Variants in TMEM117 observed in about 807,000 individuals in gnomAD.
TMEM117 encodes transmembrane protein 117.
In TMEM117, 27 loss-of-function variants were observed where a neutral mutation model predicts 52.4. The ratio of observed to expected loss-of-function variants is 0.51; its 90% CI spans 0.38 to 0.71. The LOEUF is 0.71. Ranked by LOEUF, TMEM117 falls within the 30% of genes least tolerant of loss-of-function variation. The probability of loss-of-function intolerance (pLI) is 0.00; values close to 1 mark genes in which losing one functional copy is unlikely to be tolerated. For missense variants in TMEM117, 556 were observed against 630.5 expected (o/e 0.88, Z 1.26); for synonymous variants, 215 against 206.3 (o/e 1.04, Z -0.36).
chr12:44,345,297 C>T (rs1373232358), intron 6 of TMEM117, among the ~76,000 whole-genome samples: 1 of 152,034 alleles, frequency 6.6e-6, no homozygotes, highest in Non-Finnish European at 1.5e-5. Context: ...CTGGTTATTT[C>T]ACCAGCTCCT....
chr12:44,380,402 A>G (rs541018837), intron 7 of TMEM117, among the ~76,000 whole-genome samples: 1 of 152,240 alleles, frequency 6.6e-6, no homozygotes, highest in South Asian at 2.1e-4. Flanking sequence ...TCTGCACTAG[A>G]AGAGCCTGGA....
intron 3 of TMEM117, among the ~76,000 whole-genome samples, chr12:43,997,540 C>G (rs1222502562): frequency 6.6e-6 from 1 of 152,122 alleles, no homozygotes; most frequent in Non-Finnish European, 1.5e-5. Context: ...CTGCTTCTTC[C>G]TTTGCATCCT....
chr12:44,039,464 A>G (rs1565803052), intron 3 of TMEM117, among the ~76,000 whole-genome samples: 1 of 151,318 alleles, frequency 6.6e-6, no homozygotes, highest in Admixed American at 6.6e-5. Flanking sequence ...AACTTTGACA[A>G]TTCTTGGGCT....
chr12:44,325,889 A>C (rs1051439168), intron 6 of TMEM117, among the ~76,000 whole-genome samples: 2 of 152,232 alleles, frequency 1.3e-5, no homozygotes, highest in Admixed American at 1.3e-4. Flanking sequence ...GGCTGGGTGC[A>C]GTGGCTCACG....
At chr12:43,940,661 C>A (rs1945029840) in intron 2 of TMEM117, among the ~76,000 whole-genome samples, 4 of 152,072 alleles carry the variant, frequency 2.6e-5, no homozygotes, top group African/African-American at 9.7e-5. Flanking sequence ...CCTGCCTCAG[C>A]CTCCCAAGTA....
intron 5 of TMEM117, among the ~76,000 whole-genome samples, chr12:44,224,500 TTTG>T (rs1949833840): frequency 6.6e-6 from 1 of 151,956 alleles, no homozygotes; most frequent in South Asian, 2.1e-4. Context: ...CTTTGCTTTC[TTTG>T]TCTTCTTCTT....
chr12:44,126,492 G>A (rs1948327141), intron 3 of TMEM117, among the ~76,000 whole-genome samples: 1 of 152,090 alleles, frequency 6.6e-6, no homozygotes, highest in African/African-American at 2.4e-5. Flanking sequence ...TTCTACCTGT[G>A]TTCTTCTACC....
intron 3 of TMEM117, among the ~76,000 whole-genome samples, chr12:44,141,902 A>G (rs558398335): frequency 6.6e-6 from 1 of 152,234 alleles, no homozygotes; most frequent in South Asian, 2.1e-4. Context: ...TCTTATTAGG[A>G]TTTATCTTAA....
intron 4 of TMEM117, among the ~76,000 whole-genome samples, chr12:44,200,459 A>T (rs1468778714): frequency 6.6e-6 from 1 of 152,214 alleles, no homozygotes; most frequent in Admixed American, 6.5e-5. Context: ...TCTGATGGAT[A>T]CTGTTAAAAA....
chr12:44,106,708 C>T (rs115311049), intron 3 of TMEM117, among the ~76,000 whole-genome samples: 1,912 of 145,280 alleles, frequency 0.013, 46 homozygotes, highest in African/African-American at 0.045. Flanking sequence ...ACATCTGAAT[C>T]ACAGAAAAAT....
intron 3 of TMEM117, among the ~76,000 whole-genome samples, chr12:44,032,487 C>T (rs12296939): frequency 0.034 from 5,242 of 152,208 alleles, 184 homozygotes; most frequent in African/African-American, 0.088. Context: ...GTATTCTAAT[C>T]GTGGCCACAT....
At chr12:44,106,119 CCTGT>C (rs1947949355) in intron 3 of TMEM117, among the ~76,000 whole-genome samples, 1 of 152,020 alleles carries the variant, frequency 6.6e-6, no homozygotes, top group African/African-American at 2.4e-5. Context: ...TCTGTATTCA[CCTGT>C]CTGTCTTTCC....
chr12:44,123,063 C>A (rs1406529081), intron 3 of TMEM117, among the ~76,000 whole-genome samples: 2 of 152,312 alleles, frequency 1.3e-5, no homozygotes, highest in African/African-American at 2.4e-5. Flanking sequence ...CACAACCTCA[C>A]CAGCCTCTGT....
At position 44,118,717 on chromosome 12, in the gene TMEM117, A is replaced by G. The variant is rs114373391; in HGVS notation, c.411-24808A>G. Among the ~76,000 whole-genome samples the G allele has an allele frequency of 1.5e-3, 224 of 152,204 alleles. 2 individuals are homozygous for G. Among genetic ancestry groups the G allele is most frequent in the African/African-American group, 5.1e-3 (211 of 41,454 alleles). ...ATGATATCTTATTTTATTAAAATCA[A>G]TACACATTGCAATTTTTCTTTAGCC... is the stretch of plus-strand genomic sequence containing the variant. On this transcript the variant is annotated intron_variant, in intron 3 of 7. Transcript: ENST00000266534.
chr12:43,914,761 G>A (rs1944572478), intron 2 of TMEM117, among the ~76,000 whole-genome samples: 1 of 152,152 alleles, frequency 6.6e-6, no homozygotes, highest in Non-Finnish European at 1.5e-5. Context: ...AAGCATTTGG[G>A]TATGTGGAAA....
chr12:43,952,221 A>T (rs142575894), intron 3 of TMEM117, among the ~76,000 whole-genome samples: 2 of 152,290 alleles, frequency 1.3e-5, no homozygotes, highest in Non-Finnish European at 2.9e-5. Flanking sequence ...CGGAAGCCGG[A>T]ATGCCTCTTT....
chr12:44,284,771 G>A (rs750115589), intron 5 of TMEM117, among the ~76,000 whole-genome samples: 5 of 152,142 alleles, frequency 3.3e-5, no homozygotes, highest in Non-Finnish European at 5.9e-5. Flanking sequence ...ATAATAAATG[G>A]CATAGGCCAT....
At chr12:44,380,742 T>C (rs1952008427) in intron 7 of TMEM117, among the ~76,000 whole-genome samples, 1 of 151,704 alleles carries the variant, frequency 6.6e-6, no homozygotes, top group Non-Finnish European at 1.5e-5. Context: ...ACTGTTTTTT[T>C]ACTTAAAGCT....
chr12:44,279,690 T>C (rs540604381), intron 5 of TMEM117, among the ~76,000 whole-genome samples: 36 of 152,166 alleles, frequency 2.4e-4, no homozygotes, highest in Admixed American at 4.6e-4. Context: ...ATTTTTTGTA[T>C]TTTAGTAGAA....
Sources: gnomAD v4.1 joint callset for allele counts (sites outside exome capture counted in the v4.1 genomes callset) on GRCh38, gnomAD v4.1.1 for gene constraint, MANE v1.5 for transcripts, NCBI Gene and HGNC (gene_info 2026-07-23, HGNC 2026-07-21) for gene names.